Variants in MYO7A observed in about 807,000 individuals in gnomAD.
The protein encoded by MYO7A is unconventional myosin-VIIa.
A neutral mutation model predicts 263.8 loss-of-function variants in MYO7A; 210 were observed. That is an observed-to-expected ratio of 0.80 (90% CI 0.71 to 0.89). The LOEUF (loss-of-function observed/expected upper bound fraction) is 0.89, where lower values mean the gene tolerates loss of function less well. Among genes scored for constraint, MYO7A ranks in the 40% least tolerant of loss-of-function variants. The probability of loss-of-function intolerance (pLI) is 0.00; values close to 1 mark genes in which losing one functional copy is unlikely to be tolerated. For missense variants in MYO7A, 2,820 were observed against 2,968.3 expected (o/e 0.95, Z 1.16); for synonymous variants, 1,239 against 1,197.3 (o/e 1.03, Z -0.72).
At chr11:77,178,662 G>GTGC (rs1395382027) in intron 19 of MYO7A, among the ~76,000 whole-genome samples, 13 of 152,228 alleles carry the variant, frequency 8.5e-5, no homozygotes, top group Non-Finnish European at 1.6e-4. Context: ...CTTAGGGTCA[G>GTGC]TCAGAAGACA....
chr11:77,178,973 C>T lies in MYO7A; in HGVS notation c.2283-72C>T. The T allele has an allele frequency of 2.3e-6, 3 of 1,299,180 alleles. No individual in the cohort carries two copies. In the South Asian group the frequency reaches 3.8e-5, roughly 16 times the overall value. The allele number at this position is 1,299,180 out of a possible 1,614,324, so 80.5% of individuals were successfully genotyped here. A position where few individuals can be genotyped will look rare whatever the true frequency, so the allele number is the denominator to read the frequency against. ...ACAGAGCTGGGACTCAGCGTGCCCT[C>T]CTGATCCCAAACCCACCTGTACCCT... On this transcript the variant is annotated intron_variant, in intron 19 of 48. Coordinates refer to ENST00000409709, the MANE Select transcript of MYO7A (RefSeq NM_000260.4).
At chr11:77,158,174 G>T in intron 8 of MYO7A, 103 bp from the exon 9 acceptor site, 11 of 1,355,422 alleles carry the variant, frequency 8.1e-6, no homozygotes, top group Non-Finnish European at 1.1e-5. Context: ...GGCTGGCCTG[G>T]CCTGTCAGGC....
At chr11:77,162,420 T>C (rs1289323772) in intron 13 of MYO7A, 90 bp downstream of exon 13, 3 of 1,259,592 alleles carry the variant, frequency 2.4e-6, no homozygotes, top group African/African-American at 1.5e-5. Flanking sequence ...ATCTGCAAAA[T>C]AGGACTAATG....
At chr11:77,133,968 A>C (rs6592707) in intron 2 of MYO7A, among the ~76,000 whole-genome samples, 66,183 of 152,120 alleles carry the variant, frequency 0.44, 15,128 homozygotes, top group East Asian at 0.65. Context: ...TCACTCTTGT[A>C]GCCCATGCTG....
rs548851527 is a variant in MYO7A at position 77,184,332 on chromosome 11, C to T, written c.3376-256C>T. Among the ~76,000 whole-genome samples the T allele has an allele frequency of 2.4e-4, 36 of 152,246 alleles. No homozygotes were observed. In the South Asian group the frequency reaches 7.3e-3, roughly 31 times the overall value. Reference sequence around the variant, plus strand: ...GGGTGGGGTGTGGGGTGCAGGGTATCGAGGAGGTGGCCAGAGGAGCTCTGT... The same window carrying T: ...GGGTGGGGTGTGGGGTGCAGGGTATTGAGGAGGTGGCCAGAGGAGCTCTGT... On this transcript the variant is annotated intron_variant, in intron 26 of 48. Coordinates refer to ENST00000409709, the MANE Select transcript of MYO7A (RefSeq NM_000260.4).
intron 4 of MYO7A, among the ~76,000 whole-genome samples, chr11:77,149,120 C>A (rs1951786994): frequency 1.3e-5 from 2 of 152,206 alleles, no homozygotes; most frequent in African/African-American, 4.8e-5. Context: ...TTTAGCCAGG[C>A]CCAGAGCTGT....
intron 40 of MYO7A, 28 bp from the exon 41 acceptor site, chr11:77,206,069 C>CCCCGTGCTG (rs1957427814): frequency 6.4e-7 from 1 of 1,556,458 alleles, no homozygotes; most frequent in Non-Finnish European, 8.8e-7. Context: ...CACGCACATG[C>CCCCGTGCTG]CCCCTGCTGC....
intron 46 of MYO7A, 59 bp from the exon 47 acceptor site, chr11:77,212,893 C>A: frequency 1.5e-6 from 2 of 1,332,666 alleles, no homozygotes; most frequent in South Asian, 1.3e-5. Flanking sequence ...TCATTCCTGT[C>A]CCCAAATGCT....
At chr11:77,157,597 C>T (rs538459074) in intron 8 of MYO7A, among the ~76,000 whole-genome samples, 4 of 152,246 alleles carry the variant, frequency 2.6e-5, no homozygotes, top group East Asian at 1.9e-4. Flanking sequence ...GGCACGCACA[C>T]GGCAGGCTGG....
intron 38 of MYO7A, 142 bp downstream of exon 38, chr11:77,203,359 T>C (rs924368955): frequency 1.0e-6 from 1 of 967,884 alleles, no homozygotes. Context: ...CTTGCACCTT[T>C]TGATATGCAA....
chr11:77,177,663 C>A lies in MYO7A; in HGVS notation c.2282+20C>A. On this transcript the variant is annotated intron_variant, in intron 19 of 48. Coordinates refer to ENST00000409709, the MANE Select transcript of MYO7A (RefSeq NM_000260.4). ...AGACAGGTGCGTGTTCCCACCAGCT[C>A]CTCCCCTCCTCAGCCCACATACAGG... is the stretch of plus-strand genomic sequence containing the variant. 1 of 1,582,914 alleles carries A rather than the reference C, an allele frequency of 6.3e-7. No homozygotes were observed. The highest frequency in any genetic ancestry group is 8.6e-7 in the Non-Finnish European group (1 of 1,160,208).
At chr11:77,198,689 G>A in intron 34 of MYO7A, 68 bp downstream of exon 34, 1 of 1,598,310 alleles carries the variant, frequency 6.3e-7, no homozygotes, top group South Asian at 1.1e-5. Context: ...TTCCCTGCGG[G>A]TCACAGGAAG....
rs781852214 is a variant in MYO7A at position 77,172,753 on chromosome 11, C to T, written c.1803C>T (p.Ala601=). The T allele has an allele frequency of 2.2e-5, 34 of 1,556,864 alleles. No individual in the cohort carries two copies. Among genetic ancestry groups the T allele is most frequent in the South Asian group, 7.1e-5 (6 of 84,260 alleles). ...GCTGCCGTCCGTCCCCCCAGGGCGC[C>T]GAGACCAGGAAGCGCTCGCCCACAC... ...QIFQADVAMG[A]ETRKRSPTLS... is the part of the protein sequence containing the mutation. Residue 601 remains alanine (A), a synonymous_variant, in exon 16 of 49, where the codon GCC becomes GCT. Transcript: ENST00000409709.
At position 77,205,922 on chromosome 11, in the gene MYO7A, A is replaced by G. The variant is rs4945160; in HGVS notation, c.5637-175A>G. ...CACTTTGCTGGGCCTCTCCACACCC[A>G]TCGTCCCATTTTACAGATGAGGAGC... On this transcript the variant is annotated intron_variant, in intron 40 of 48. Coordinates refer to ENST00000409709, the MANE Select transcript of MYO7A (RefSeq NM_000260.4). Among the ~76,000 whole-genome samples, 88,244 of 151,888 alleles carry G rather than the reference A, an allele frequency of 0.58. 25,977 individuals are homozygous for G. The highest frequency in any genetic ancestry group is 0.66 in the African/African-American group (27,164 of 41,406).
At chr11:77,181,927 G>A in intron 23 of MYO7A, 24 bp from the exon 24 acceptor site, 2 of 1,610,660 alleles carry the variant, frequency 1.2e-6, no homozygotes, top group African/African-American at 1.3e-5. Context: ...TGGGACTCCA[G>A]GGCATACCTC....
At chr11:77,158,452 C>T (rs199992691) in intron 9 of MYO7A, 22 bp downstream of exon 9, 9 of 1,606,218 alleles carry the variant, frequency 5.6e-6, no homozygotes, top group Non-Finnish European at 7.6e-6. Context: ...CCACACTCGC[C>T]CTGCCCCACC....
chr11:77,185,066 T>G (rs1955564476), intron 27 of MYO7A: 1 of 413,048 alleles, frequency 2.4e-6, no homozygotes, highest in Non-Finnish European at 4.6e-6. Context: ...TGAAATAGCA[T>G]TATGTCTAAA....
intron 3 of MYO7A, among the ~76,000 whole-genome samples, chr11:77,145,018 A>G (rs528531982): frequency 9.9e-5 from 15 of 152,274 alleles, no homozygotes; most frequent in Admixed American, 9.2e-4. Flanking sequence ...GGCCCCCGGT[A>G]GGTACCTGTG....
chr11:77,181,827 C>T (rs1359391639), intron 23 of MYO7A, 124 bp from the exon 24 acceptor site: 1 of 673,272 alleles, frequency 1.5e-6, no homozygotes, highest in Admixed American at 2.9e-5. Context: ...CCCTGTTGCT[C>T]AGGCTGGAGT....
Sources: gnomAD v4.1 joint callset for allele counts (sites outside exome capture counted in the v4.1 genomes callset) on GRCh38, gnomAD v4.1.1 for gene constraint, MANE v1.5 for transcripts, NCBI Gene and HGNC (gene_info 2026-07-23, HGNC 2026-07-21) for gene names.